The following PAPSS2 variants were observed in gnomAD, a reference collection of about 807,000 sequenced individuals.
PAPSS2 encodes the protein bifunctional 3'-phosphoadenosine 5'-phosphosulfate synthase 2.
A neutral mutation model predicts 66.5 loss-of-function variants in PAPSS2; 61 were observed. The observed-to-expected ratio is 0.92, with a 90% CI of 0.75 to 1.14. The LOEUF (loss-of-function observed/expected upper bound fraction) is 1.14. Ranked by LOEUF, PAPSS2 falls within the 50% of genes most tolerant of loss-of-function variation. The probability of loss-of-function intolerance (pLI) is 0.00; values close to 1 mark genes in which losing one functional copy is unlikely to be tolerated. For missense variants in PAPSS2, 708 were observed against 789.6 expected (o/e 0.90, Z 1.24); for synonymous variants, 289 against 287.5 (o/e 1.01, Z -0.05).
At chr10:87,736,416 C>T (rs1175059618) in intron 9 of PAPSS2, among the ~76,000 whole-genome samples, 3 of 151,664 alleles carry the variant, frequency 2.0e-5, no homozygotes, top group Non-Finnish European at 2.9e-5. Context: ...TACAGGTGCC[C>T]GCCACCAGGC....
chr10:87,698,031 G>A (rs886126251), intron 1 of PAPSS2, among the ~76,000 whole-genome samples: 14 of 152,042 alleles, frequency 9.2e-5, no homozygotes, highest in Non-Finnish European at 8.8e-5. Flanking sequence ...AGATGTTTTG[G>A]GAAAAAATTA....
At chr10:87,729,607 C>T (rs531279648) in intron 9 of PAPSS2, among the ~76,000 whole-genome samples, 48 of 152,220 alleles carry the variant, frequency 3.2e-4, no homozygotes, top group Middle Eastern at 3.4e-3. Context: ...AATTAATAAC[C>T]CTGCAATGGC....
At chr10:87,705,764 C>T (rs1447736285) in intron 1 of PAPSS2, among the ~76,000 whole-genome samples, 3 of 150,244 alleles carry the variant, frequency 2.0e-5, no homozygotes, top group Non-Finnish European at 4.4e-5. Context: ...GATGGAGTCT[C>T]GCTCTGTCGC....
rs912660996 is a variant in PAPSS2 at position 87,726,067 on chromosome 10, A to G, written c.881-1217A>G. Among the ~76,000 whole-genome samples, 10 of 152,182 alleles carry G rather than the reference A, an allele frequency of 6.6e-5. No homozygotes were observed. In the South Asian group the frequency reaches 8.3e-4, roughly 13 times the overall value. On this transcript the variant is annotated intron_variant, in intron 8 of 12. Coordinates refer to ENST00000456849, the MANE Select transcript of PAPSS2 (RefSeq NM_001015880.2). ...CTGAAAATACATTTTTTACAAGTGCATGAGATGGGTACAGAAAATAGAATG... is the reference window on the plus strand; with the variant it reads ...CTGAAAATACATTTTTTACAAGTGCGTGAGATGGGTACAGAAAATAGAATG...
At chr10:87,741,629 A>C (rs1440238126) in intron 10 of PAPSS2, among the ~76,000 whole-genome samples, 2 of 152,182 alleles carry the variant, frequency 1.3e-5, no homozygotes, top group Admixed American at 1.3e-4. Context: ...TCCTGACCTC[A>C]GGTGATCCCC....
chr10:87,701,485 G>A lies in PAPSS2; in HGVS notation c.28-7711G>A, dbSNP rs192646931. On this transcript the variant is annotated intron_variant, in intron 1 of 12. Transcript: ENST00000456849. ...TGCCAAGACTGGAGTTCAGTAGTATGATAAGGGCTCACTGCACCCTTGACC... is the reference window on the plus strand; with the variant it reads ...TGCCAAGACTGGAGTTCAGTAGTATAATAAGGGCTCACTGCACCCTTGACC... Among the ~76,000 whole-genome samples the A allele has an allele frequency of 4.6e-3, 688 of 149,600 alleles. 1 individual carries two copies. In the Middle Eastern group the frequency reaches 0.066, roughly 14 times the overall value.
At chr10:87,680,885 T>C (rs1035450763) in intron 1 of PAPSS2, among the ~76,000 whole-genome samples, 12 of 152,198 alleles carry the variant, frequency 7.9e-5, no homozygotes, top group Non-Finnish European at 1.5e-5. Flanking sequence ...TTTCTTTTGC[T>C]CCGAGATGTA....
intron 1 of PAPSS2, among the ~76,000 whole-genome samples, chr10:87,689,130 C>T (rs959046575): frequency 1.3e-5 from 2 of 151,784 alleles, no homozygotes; most frequent in African/African-American, 2.4e-5. Flanking sequence ...TACCTGAGGT[C>T]GGGAGTTGGA....
At chr10:87,717,629 C>G (rs1853548099) in intron 7 of PAPSS2, among the ~76,000 whole-genome samples, 1 of 152,144 alleles carries the variant, frequency 6.6e-6, no homozygotes, top group Admixed American at 6.5e-5. Flanking sequence ...GTGGCATGAT[C>G]ATAGCTCACT....
chr10:87,724,544 G>A (rs980092197), intron 8 of PAPSS2, among the ~76,000 whole-genome samples: 1 of 150,508 alleles, frequency 6.6e-6, no homozygotes, highest in Non-Finnish European at 1.5e-5. Flanking sequence ...ATACAGATAT[G>A]CATCTCTCTA....
chr10:87,702,473 A>G (rs1210544816), intron 1 of PAPSS2, among the ~76,000 whole-genome samples: 1 of 152,198 alleles, frequency 6.6e-6, no homozygotes. Context: ...TAGGGCAATC[A>G]CTGGGGTTGC....
In PAPSS2 at chr10:87,746,033, A is replaced by G. The variant is rs552031419; in HGVS notation, c.*63A>G. 676 of 1,495,238 alleles carry G rather than the reference A, an allele frequency of 4.5e-4. 3 individuals carry two copies. The African/African-American group carries it at 7.2e-3, about 16-fold the overall frequency. 92.6% of individuals were successfully genotyped at this position (1,495,238 alleles called of 1,614,324 possible). A position where few individuals can be genotyped will look rare whatever the true frequency, so the allele number is the denominator to read the frequency against. On this transcript the variant is annotated 3_prime_UTR_variant, in exon 13 of 13. Transcript: ENST00000456849. The stretch of plus-strand genomic sequence containing the variant: ...GATTACCTTTTCTATTTTTATGATT[A>G]GATGCTTTGTATTAAATTGCTTCTC...
At position 87,723,764 on chromosome 10, in the gene PAPSS2, A is replaced by T. The variant is rs544066590; in HGVS notation, c.880+1994A>T. Reference sequence around the variant, plus strand: ...GCAAAGTGATATGCCTGGAAAGTTTAGTTTCATAACTACTAGGGGGAGTCT... The same window carrying T: ...GCAAAGTGATATGCCTGGAAAGTTTTGTTTCATAACTACTAGGGGGAGTCT... On this transcript the variant is annotated intron_variant, in intron 8 of 12. Coordinates refer to ENST00000456849, the MANE Select transcript of PAPSS2 (RefSeq NM_001015880.2). Among the ~76,000 whole-genome samples, 8 of 152,316 alleles carry T rather than the reference A, an allele frequency of 5.3e-5. No homozygotes were observed. In the South Asian group the frequency reaches 1.7e-3, roughly 32 times the overall value.
intron 1 of PAPSS2, among the ~76,000 whole-genome samples, chr10:87,667,401 T>A (rs1217762162): frequency 6.6e-6 from 1 of 152,088 alleles, no homozygotes; most frequent in Non-Finnish European, 1.5e-5. Flanking sequence ...CAGTCAGCCA[T>A]GATCATGCCA....
intron 1 of PAPSS2, chr10:87,660,415 C>G: frequency 3.4e-6 from 1 of 295,150 alleles, no homozygotes; most frequent in Non-Finnish European, 6.3e-6. Context: ...GGTCTGGTCG[C>G]TGGGGTTTTG....
intron 7 of PAPSS2, among the ~76,000 whole-genome samples, chr10:87,718,033 T>C (rs770024915): frequency 2.3e-4 from 35 of 151,954 alleles, no homozygotes; most frequent in Non-Finnish European, 3.8e-4. Flanking sequence ...TCTTTTTTCT[T>C]TTCTTTTTTT....
chr10:87,742,171 G>A (rs7904344), intron 10 of PAPSS2, among the ~76,000 whole-genome samples: 50,459 of 152,104 alleles, frequency 0.33, 8,934 homozygotes, highest in African/African-American at 0.42. Flanking sequence ...ATATTAGAAC[G>A]CTATTCAACA....
At chr10:87,690,874 T>C (rs1304674772) in intron 1 of PAPSS2, among the ~76,000 whole-genome samples, 1 of 152,178 alleles carries the variant, frequency 6.6e-6, no homozygotes, top group East Asian at 1.9e-4. Context: ...GGTTAAGTAA[T>C]TTACTTAAGG....
chr10:87,703,359 T>C (rs1853342705), intron 1 of PAPSS2, among the ~76,000 whole-genome samples: 1 of 150,642 alleles, frequency 6.6e-6, no homozygotes, highest in Admixed American at 6.6e-5. Context: ...CGATCATGAG[T>C]GCCACATCCT....
Sources: allele counts gnomAD v4.1 joint callset (sites outside exome capture counted in the v4.1 genomes callset), GRCh38; gene constraint gnomAD v4.1.1; transcripts MANE v1.5; gene names NCBI Gene and HGNC (gene_info 2026-07-23, HGNC 2026-07-21).